Variants in GREB1L observed in about 807,000 individuals in gnomAD.
GREB1L encodes GREB1 like retinoic acid receptor coactivator.
GREB1L carries 17 observed loss-of-function variants against 200.8 expected under a neutral mutation model. The observed-to-expected ratio is 0.08, with a 90% CI of 0.06 to 0.13. The LOEUF (loss-of-function observed/expected upper bound fraction) is 0.13, where lower values mean the gene tolerates loss of function less well. Among genes scored for constraint, GREB1L ranks in the 10% least tolerant of loss-of-function variants. The pLI, the probability that GREB1L is intolerant of heterozygous loss-of-function variation, is 1.00. For synonymous variants in GREB1L, 789 were observed against 893.0 expected (o/e 0.88, Z 2.08); for missense variants, 1,657 against 2,367.7 (o/e 0.70, Z 6.23).
intron 1 of GREB1L, among the ~76,000 whole-genome samples, chr18:21,290,947 G>A (rs1264397956): frequency 2.0e-5 from 3 of 151,834 alleles, no homozygotes; most frequent in Non-Finnish European, 4.4e-5. Context: ...TTTATATAAC[G>A]AGACTTCCCC....
At chr18:21,343,083 G>A (rs1405335882) in intron 1 of GREB1L, among the ~76,000 whole-genome samples, 1 of 151,686 alleles carries the variant, frequency 6.6e-6, no homozygotes, top group East Asian at 1.9e-4. Flanking sequence ...TCTGGTTCCA[G>A]CCTTGCCATT....
intron 7 of GREB1L, among the ~76,000 whole-genome samples, chr18:21,424,349 C>T (rs2032396370): frequency 6.6e-6 from 1 of 152,214 alleles, no homozygotes; most frequent in African/African-American, 2.4e-5. Flanking sequence ...AGGCGAATCA[C>T]TTGAGGCCAG....
intron 12 of GREB1L, among the ~76,000 whole-genome samples, chr18:21,450,258 T>C (rs2034454670): frequency 6.6e-6 from 1 of 152,064 alleles, no homozygotes; most frequent in South Asian, 2.1e-4. Context: ...TGTAACATAG[T>C]CTCTAAAGAA....
intron 1 of GREB1L, among the ~76,000 whole-genome samples, chr18:21,321,231 G>A (rs2038946706): frequency 6.6e-6 from 1 of 151,500 alleles, no homozygotes; most frequent in Non-Finnish European, 1.5e-5. Flanking sequence ...GGAGGTGGAG[G>A]TTTCAGTGAG....
rs1161929640 is a variant in GREB1L at position 21,525,270 on chromosome 18, C to G, written c.*2449C>G. 6.6e-6 allele frequency: 1 copy of G among 152,104 alleles called. No individual in the cohort carries two copies. Among genetic ancestry groups the G allele is most frequent in the East Asian group, 1.9e-4 (1 of 5,200 alleles). 9.4% of individuals were successfully genotyped at this position (152,104 alleles called of 1,614,324 possible). A position where few individuals can be genotyped will look rare whatever the true frequency, so the allele number is the denominator to read the frequency against. ...AGAAAATGGGGCACCCGTGTTATTA[C>G]TGTAAAATGTTCTTAACCAAAATTT... On this transcript the variant is annotated 3_prime_UTR_variant, in exon 33 of 33. Coordinates refer to ENST00000424526, the MANE Select transcript of GREB1L (RefSeq NM_001142966.3).
chr18:21,479,631 A>T (rs1294540667), intron 17 of GREB1L, among the ~76,000 whole-genome samples: 1 of 151,982 alleles, frequency 6.6e-6, no homozygotes, highest in Non-Finnish European at 1.5e-5. Context: ...GTGAGCTGAG[A>T]TTATGCCACT....
intron 19 of GREB1L, among the ~76,000 whole-genome samples, chr18:21,495,462 C>T (rs1399637511): frequency 6.6e-6 from 1 of 152,184 alleles, no homozygotes; most frequent in Non-Finnish European, 1.5e-5. Context: ...TTTTATCCTA[C>T]TGAGATAAAC....
intron 7 of GREB1L, among the ~76,000 whole-genome samples, chr18:21,435,467 A>T (rs1274191694): frequency 6.6e-6 from 1 of 152,210 alleles, no homozygotes; most frequent in African/African-American, 2.4e-5. Flanking sequence ...AAATATGGCA[A>T]TGTACAGAAG....
chr18:21,518,129 G>C lies in GREB1L; in HGVS notation c.5367G>C (p.Leu1789=). The C allele has an allele frequency of 6.4e-7, 1 of 1,551,614 alleles. No homozygotes were observed. The highest frequency in any genetic ancestry group is 8.7e-7 in the Non-Finnish European group (1 of 1,146,982). Reference sequence around the variant, plus strand: ...TGGCAGCCCCTGCACAGTTTCTCCTGGAGAAATTCCTTCAGCACGCCTCAT... The same window carrying C: ...TGGCAGCCCCTGCACAGTTTCTCCTCGAGAAATTCCTTCAGCACGCCTCAT... ...TLLAAPAQFL[L]EKFLQHASYK... is the part of the protein sequence containing the mutation. The change falls in exon 31 of 33, where the codon CTG becomes CTC. Residue 1789 remains leucine (L), a synonymous_variant. Coordinates refer to ENST00000424526, the MANE Select transcript of GREB1L (RefSeq NM_001142966.3).
intron 7 of GREB1L, among the ~76,000 whole-genome samples, chr18:21,421,209 G>T (rs2032119355): frequency 6.6e-6 from 1 of 152,144 alleles, no homozygotes; most frequent in Non-Finnish European, 1.5e-5. Flanking sequence ...ATGATTTCAT[G>T]TGTATGTACA....
Position 21,403,045 on chromosome 18 carries a change from C to T in GREB1L, c.710-827C>T, listed in dbSNP as rs151089922. On this transcript the variant is annotated intron_variant, in intron 6 of 32. Transcript: ENST00000424526. The stretch of plus-strand genomic sequence containing the variant: ...CATAGAAGGTTATAGAAAACTGCTT[C>T]CAGTCCTTGTATGTATCTCATAAAC... 4.0e-3 allele frequency among the ~76,000 whole-genome samples: 603 copies of T among 152,202 alleles called. 5 individuals carry two copies. The highest frequency in any genetic ancestry group is 6.8e-3 in the Middle Eastern group (2 of 292).
intron 27 of GREB1L, among the ~76,000 whole-genome samples, chr18:21,510,954 TTTG>T (rs2037216638): frequency 6.6e-6 from 1 of 152,236 alleles, no homozygotes; most frequent in Non-Finnish European, 1.5e-5. Flanking sequence ...GTATATCTTC[TTTG>T]AAGACTTGTC....
At chr18:21,420,430 A>T (rs181875482) in intron 7 of GREB1L, among the ~76,000 whole-genome samples, 1 of 152,234 alleles carries the variant, frequency 6.6e-6, no homozygotes, top group East Asian at 1.9e-4. Flanking sequence ...TTTGCAAAGC[A>T]TATAAAGGGA....
At chr18:21,270,100 T>C (rs2038053968) in intron 1 of GREB1L, among the ~76,000 whole-genome samples, 1 of 152,226 alleles carries the variant, frequency 6.6e-6, no homozygotes, top group Non-Finnish European at 1.5e-5. Flanking sequence ...TAGGAAAATA[T>C]ATTGAACATA....
At chr18:21,319,237 T>C (rs2038916089) in intron 1 of GREB1L, among the ~76,000 whole-genome samples, 1 of 152,214 alleles carries the variant, frequency 6.6e-6, no homozygotes, top group South Asian at 2.1e-4. Flanking sequence ...CAAAGTCTAA[T>C]TCAAAATCAT....
intron 1 of GREB1L, among the ~76,000 whole-genome samples, chr18:21,352,427 T>TCC (rs2039447114): frequency 1.3e-5 from 2 of 151,560 alleles, no homozygotes; most frequent in Admixed American, 1.3e-4. Context: ...GCAGTGTGCT[T>TCC]TTATATATAT....
In GREB1L at chr18:21,525,726, G is replaced by C. The variant is rs1048599471; in HGVS notation, c.*2905G>C. ...TTTTGAGAGTGTCTCAAAGTTGCTA[G>C]AACTATGTAGTATGAAGATGCTGTT... On this transcript the variant is annotated 3_prime_UTR_variant, in exon 33 of 33. Coordinates refer to ENST00000424526, the MANE Select transcript of GREB1L (RefSeq NM_001142966.3). 2.0e-5 allele frequency among the ~76,000 whole-genome samples: 3 copies of C among 152,188 alleles called. No individual in the cohort carries two copies. Among genetic ancestry groups the C allele is most frequent in the Non-Finnish European group, 4.4e-5 (3 of 68,032 alleles).
chr18:21,514,764 AGG>A (rs2037358836), intron 28 of GREB1L, among the ~76,000 whole-genome samples: 2 of 152,188 alleles, frequency 1.3e-5, no homozygotes, highest in African/African-American at 4.8e-5. Context: ...TGTATGAAAA[AGG>A]AAAGTCATCT....
chr18:21,390,574 G>A (rs2040757384), intron 4 of GREB1L, among the ~76,000 whole-genome samples: 1 of 152,138 alleles, frequency 6.6e-6, no homozygotes, highest in Admixed American at 6.5e-5. Context: ...GTCTCGCGCT[G>A]TCACCAGGTT....
Sources: gnomAD v4.1 joint callset for allele counts (sites outside exome capture counted in the v4.1 genomes callset) on GRCh38, gnomAD v4.1.1 for gene constraint, MANE v1.5 for transcripts, NCBI Gene and HGNC (gene_info 2026-07-23, HGNC 2026-07-21) for gene names.